The following CCDC102B variants were observed in gnomAD, a reference collection of about 807,000 sequenced individuals.
CCDC102B encodes the protein coiled-coil domain-containing protein 102B.
Under a neutral mutation model 57.4 loss-of-function variants are expected in CCDC102B, and 75 were observed. The ratio of observed to expected loss-of-function variants is 1.31; its 90% confidence interval spans 1.08 to 1.58. The LOEUF is 1.58. Ranked by LOEUF, CCDC102B falls within the 40% of genes most tolerant of loss-of-function variation. CCDC102B has a pLI of 0.00. For synonymous variants in CCDC102B, 206 were observed against 201.9 expected, an observed-to-expected ratio of 1.02 and a Z score of -0.17; for missense variants, 636 against 582.6, an observed-to-expected ratio of 1.09 and a Z score of -0.94.
rs190929564 is a variant in CCDC102B, at chr18:68,801,291, C to T, written c.-16+3110C>T. Among the ~76,000 whole-genome samples, 4 of 152,160 alleles carry T rather than the reference C, an allele frequency of 2.6e-5. No homozygotes were observed. In the East Asian group the frequency reaches 7.7e-4, roughly 29 times the overall value. On this transcript the variant is annotated intron_variant, in intron 1 of 7. Transcript: ENST00000360242. ...TCAGTGCCCTGACTAATTGTAGATG[C>T]TCAATGGAGATTGTGAGCTTGAGAC...
chr18:69,018,847 G>A (rs1396874301), intron 7 of CCDC102B, among the ~76,000 whole-genome samples: 1 of 151,966 alleles, frequency 6.6e-6, no homozygotes, highest in Non-Finnish European at 1.5e-5. Flanking sequence ...CAAGAATAAT[G>A]CCAAGGAGAT....
At position 68,722,900 on chromosome 18, in the gene CCDC102B, T is replaced by C. The variant is rs929886030; in HGVS notation, c.-67+6306T>C. 5.5e-4 allele frequency among the ~76,000 whole-genome samples: 71 copies of C among 129,828 alleles called. 1 individual carries two copies. The highest frequency in any genetic ancestry group is 2.0e-3 in the African/African-American group (66 of 32,592). 85.2% of individuals were successfully genotyped at this position (129,828 alleles called of 152,430 possible). ...TTTATTTTTTTTTCTTTTTGCAACCTTTTTTTTTTTTTTTTTTTAGATTCA... is the reference window on the plus strand; with the variant it reads ...TTTATTTTTTTTTCTTTTTGCAACCCTTTTTTTTTTTTTTTTTTAGATTCA... On this transcript the variant is annotated intron_variant, in intron 2 of 3. Transcript: ENST00000578970.
chr18:68,930,219 T>C (rs2041621506), intron 6 of CCDC102B, among the ~76,000 whole-genome samples: 1 of 148,500 alleles, frequency 6.7e-6, no homozygotes, highest in South Asian at 2.1e-4. Context: ...TTATACATTA[T>C]ATAATTATAT....
chr18:68,933,159 T>C (rs2041735768), intron 6 of CCDC102B, among the ~76,000 whole-genome samples: 1 of 151,786 alleles, frequency 6.6e-6, no homozygotes, highest in Non-Finnish European at 1.5e-5. Flanking sequence ...AGGGAGGAAA[T>C]TGAAGTGGAG....
intron 6 of CCDC102B, among the ~76,000 whole-genome samples, chr18:68,996,250 A>T (rs1301045196): frequency 6.6e-6 from 1 of 152,126 alleles, no homozygotes; most frequent in Non-Finnish European, 1.5e-5. Context: ...AGACTGGCTG[A>T]GTCTTCTGGC....
At position 68,745,077 on chromosome 18, in the gene CCDC102B, G is replaced by A. The variant is rs192115349; in HGVS notation, c.-67+28483G>A. On this transcript the variant is annotated intron_variant, in intron 2 of 3. Transcript: ENST00000578970. Reference sequence around the variant, plus strand: ...TTCATCTTCACTTCTGGAGTCAGTAGGAGAGACTCTTATTACCTTCCCAGT... The same window carrying A: ...TTCATCTTCACTTCTGGAGTCAGTAAGAGAGACTCTTATTACCTTCCCAGT... 1.1e-3 allele frequency among the ~76,000 whole-genome samples: 163 copies of A among 152,240 alleles called. 1 individual carries two copies. Among genetic ancestry groups the A allele is most frequent in the African/African-American group, 3.9e-3 (161 of 41,550 alleles).
At chr18:69,045,113 C>T (rs1261381922) in intron 7 of CCDC102B, among the ~76,000 whole-genome samples, 2 of 152,060 alleles carry the variant, frequency 1.3e-5, no homozygotes, top group Non-Finnish European at 2.9e-5. Context: ...TAATTACCTT[C>T]TTACTCTACT....
chr18:68,935,599 G>T (rs2145152109), intron 6 of CCDC102B, among the ~76,000 whole-genome samples: 1 of 152,064 alleles, frequency 6.6e-6, no homozygotes, highest in East Asian at 1.9e-4. Context: ...TGTAAACTGG[G>T]CGTCTTCAGC....
At chr18:69,017,666 T>C (rs1354471535) in intron 7 of CCDC102B, among the ~76,000 whole-genome samples, 1 of 152,086 alleles carries the variant, frequency 6.6e-6, no homozygotes, top group African/African-American at 2.4e-5. Flanking sequence ...TGAGAACACC[T>C]AAGATCTACT....
chr18:69,054,095 T>G lies in CCDC102B; in HGVS notation c.1500T>G (p.Asn500Lys), dbSNP rs781617598. ...CTCTGGATGAAGAGAAAGAAAGAAA[T>G]GAAAACTTAGAGACTGAACTCAGGC... The part of the protein sequence containing the change: ...QRSLDEEKER[N>K]ENLETELRHL... Residue 500 changes from asparagine to lysine, a missense_variant, in exon 8 of 8, where the codon AAT becomes AAG. Transcript: ENST00000360242. The G allele has an allele frequency of 1.2e-6, 2 of 1,607,118 alleles. No homozygotes were observed. Among genetic ancestry groups the G allele is most frequent in the African/African-American group, 2.7e-5 (2 of 74,478 alleles).
intron 6 of CCDC102B, among the ~76,000 whole-genome samples, chr18:68,958,849 T>C (rs1218702526): frequency 2.0e-5 from 3 of 152,190 alleles, no homozygotes; most frequent in African/African-American, 7.2e-5. Context: ...CTTGATTCTT[T>C]TTAGTTATTT....
chr18:69,022,859 T>C (rs1365577735), intron 7 of CCDC102B, among the ~76,000 whole-genome samples: 1 of 152,024 alleles, frequency 6.6e-6, no homozygotes, highest in Non-Finnish European at 1.5e-5. Context: ...CCCAGATTCC[T>C]AAGGGGGAAA....
intron 6 of CCDC102B, among the ~76,000 whole-genome samples, chr18:68,898,885 A>G (rs983758993): frequency 1.3e-5 from 2 of 152,152 alleles, no homozygotes; most frequent in Non-Finnish European, 2.9e-5. Flanking sequence ...ATGTATTAAT[A>G]TAAAGTATAT....
chr18:68,737,685 G>C (rs2033206089), intron 2 of CCDC102B, among the ~76,000 whole-genome samples: 2 of 152,180 alleles, frequency 1.3e-5, no homozygotes, highest in Admixed American at 1.3e-4. Flanking sequence ...CAGAGTGCAA[G>C]ATATCTTCTG....
At chr18:68,867,249 C>G (rs2039032343) in intron 4 of CCDC102B, among the ~76,000 whole-genome samples, 1 of 152,164 alleles carries the variant, frequency 6.6e-6, no homozygotes, top group Non-Finnish European at 1.5e-5. Flanking sequence ...CTCGGCCTCC[C>G]GAAGTGCTGG....
At chr18:69,052,114 A>G (rs2052721498) in intron 7 of CCDC102B, among the ~76,000 whole-genome samples, 1 of 151,966 alleles carries the variant, frequency 6.6e-6, no homozygotes, top group Admixed American at 6.6e-5. Context: ...ACAAAGGAAT[A>G]GTATGAACAT....
At chr18:69,011,312 G>A (rs1246061430) in intron 7 of CCDC102B, 16 of 540,016 alleles carry the variant, frequency 3.0e-5, no homozygotes, top group Non-Finnish European at 5.1e-5. Flanking sequence ...TATGTTTTAC[G>A]AGTGCTCTAT....
chr18:68,963,558 C>G (rs2050096945), intron 6 of CCDC102B, among the ~76,000 whole-genome samples: 1 of 151,846 alleles, frequency 6.6e-6, no homozygotes, highest in Non-Finnish European at 1.5e-5. Flanking sequence ...CAAGACAAGG[C>G]CTTTTACATG....
chr18:69,043,311 G>A lies in CCDC102B; in HGVS notation c.1435-10719G>A, dbSNP rs1176039678. ...TATACGGAGACATTCCATTGCCCAG[G>A]GACGGGCAGGAGACAGATGCCTTCC... On this transcript the variant is annotated intron_variant, in intron 7 of 7. Transcript: ENST00000360242. Among the ~76,000 whole-genome samples the A allele has an allele frequency of 2.0e-5, 3 of 152,060 alleles. No individual in the cohort carries two copies. In the East Asian group the frequency reaches 5.8e-4, roughly 29 times the overall value.
Sources: gnomAD v4.1 joint callset for allele counts (sites outside exome capture counted in the v4.1 genomes callset) on GRCh38, gnomAD v4.1.1 for gene constraint, MANE v1.5 for transcripts, NCBI Gene and HGNC (gene_info 2026-07-23, HGNC 2026-07-21) for gene names.